WRN: variants seen among roughly 807,000 people sequenced by gnomAD.
WRN encodes the protein bifunctional 3'-5' exonuclease/ATP-dependent helicase WRN.
WRN carries 149 observed loss-of-function variants against 180.7 expected under a neutral mutation model. The observed-to-expected ratio is 0.82, with a 90% CI of 0.72 to 0.94. The LOEUF is 0.94. Among genes scored for constraint, WRN ranks in the 40% least tolerant of loss-of-function variants. The pLI is 0.00. For missense variants in WRN, 1,661 were observed against 1,700.1 expected (o/e 0.98, Z 0.40); for synonymous variants, 548 against 568.9 (o/e 0.96, Z 0.52).
chr8:31,059,216 G>A lies in WRN; in HGVS notation c.160G>A (p.Val54Met), dbSNP rs762851957. 5.0e-6 allele frequency: 8 copies of A among 1,613,856 alleles called. No homozygotes were observed. In the South Asian group the frequency reaches 6.6e-5, roughly 13 times the overall value. ...LPFLEFTGSI[V>M]YSYDASDCSF... ...CTTCTTAGAATTCACTGGATCCATT[G>A]TGTATAGTTACGATGCTAGTGATTG... The change falls in exon 3 of 35, where the codon GTG (valine) becomes ATG (methionine). Residue 54 changes from valine to methionine, a missense_variant. Around this residue, in one of 3 missense-constraint regions of WRN, gnomAD observed 500 missense variants for 504.1 expected, o/e 0.99. Transcript: ENST00000298139.
In WRN at chr8:31,087,880, T is replaced by C. The variant is rs2130156982; in HGVS notation, c.1536T>C (p.Asp512=). ...GLPTKEEEED[D]ENEANEGEED... is the part of the protein sequence containing the mutation. ...CTACTAAAGAAGAAGAAGAAGATGA[T>C]GAAAATGAAGCTAATGAAGGGGAAG... is the stretch of plus-strand genomic sequence containing the variant. The change falls in exon 12 of 35, where the codon GAT becomes GAC. Residue 512 remains aspartate (D), a synonymous_variant. Transcript: ENST00000298139. 6.2e-7 allele frequency: 1 copy of C among 1,613,480 alleles called. No individual in the cohort carries two copies. The highest frequency in any genetic ancestry group is 2.2e-5 in the East Asian group (1 of 44,848).
intron 1 of WRN, among the ~76,000 whole-genome samples, chr8:31,047,657 T>C (rs1421117647): frequency 6.6e-6 from 1 of 152,186 alleles, no homozygotes; most frequent in Admixed American, 6.5e-5. Context: ...ATGAATCCTA[T>C]AAAATTTTAT....
intron 18 of WRN, among the ~76,000 whole-genome samples, chr8:31,105,854 T>C (rs1801075447): frequency 6.6e-6 from 1 of 152,218 alleles, no homozygotes; most frequent in South Asian, 2.1e-4. Flanking sequence ...TCAGTTGTTT[T>C]TGCCTCTTTG....
chr8:31,122,870 T>TTC (rs1801777643), intron 21 of WRN, among the ~76,000 whole-genome samples: 1 of 132,496 alleles, frequency 7.5e-6, no homozygotes, highest in Admixed American at 7.4e-5. Flanking sequence ...GTTTTTTTTT[T>TTC]TTTTTTTTTT....
intron 7 of WRN, among the ~76,000 whole-genome samples, chr8:31,073,004 G>A (rs1326191156): frequency 6.6e-6 from 1 of 152,150 alleles, no homozygotes; most frequent in African/African-American, 2.4e-5. Flanking sequence ...GCTAGAAAAG[G>A]AGCTTGGGCC....
At chr8:31,078,389 T>C (rs1813175009) in intron 8 of WRN, among the ~76,000 whole-genome samples, 1 of 152,178 alleles carries the variant, frequency 6.6e-6, no homozygotes, top group South Asian at 2.1e-4. Flanking sequence ...GCTATAAGCA[T>C]GTATTCCAGC....
chr8:31,067,739 T>G (rs2130053775), intron 6 of WRN, among the ~76,000 whole-genome samples: 1 of 152,310 alleles, frequency 6.6e-6, no homozygotes, highest in South Asian at 2.1e-4. Flanking sequence ...TTTTAAGAAA[T>G]GTATTTTATT....
In WRN at chr8:31,092,605, T is replaced by C. The variant is rs367963541; in HGVS notation, c.1898+707T>C. 9.2e-5 allele frequency among the ~76,000 whole-genome samples: 14 copies of C among 152,150 alleles called. No homozygotes were observed. The South Asian group carries it at 2.9e-3, about 32-fold the overall frequency. ...CACCCCTGCCCATTAAGCAGTTGCTTTCTTTACGTATATATTAGTATATAC... is the reference window on the plus strand; with the variant it reads ...CACCCCTGCCCATTAAGCAGTTGCTCTCTTTACGTATATATTAGTATATAC... On this transcript the variant is annotated intron_variant, in intron 16 of 34. Coordinates refer to ENST00000298139, the MANE Select transcript of WRN (RefSeq NM_000553.6).
At chr8:31,142,012 C>T (rs148076954) in intron 26 of WRN, among the ~76,000 whole-genome samples, 4 of 151,350 alleles carry the variant, frequency 2.6e-5, no homozygotes, top group East Asian at 3.9e-4. Context: ...TGCAGTGGTG[C>T]GATCATAGCT....
chr8:31,092,855 C>G (rs1283523258), intron 16 of WRN, among the ~76,000 whole-genome samples: 1 of 152,146 alleles, frequency 6.6e-6, no homozygotes, highest in Non-Finnish European at 1.5e-5. Context: ...AATATTAACT[C>G]TTTTGTGTAA....
intron 19 of WRN, among the ~76,000 whole-genome samples, chr8:31,114,893 G>GATTTTTTTT (rs764937166): frequency 7.3e-6 from 1 of 136,174 alleles, no homozygotes; most frequent in Non-Finnish European, 1.6e-5. Context: ...TTTAAAATAA[G>GATTTTTTTT]GTTTTTTTTT....
rs1554518310 is a variant in WRN, at chr8:31,059,243, T to A, written c.187T>A (p.Ser63Thr). The A allele has an allele frequency of 1.2e-6, 2 of 1,613,724 alleles. No individual in the cohort carries two copies. The highest frequency in any genetic ancestry group is 1.7e-6 in the Non-Finnish European group (2 of 1,179,742). ...IVYSYDASDC[S>T]FLSEDISMSL... is the part of the protein sequence containing the mutation. ...GTATAGTTACGATGCTAGTGATTGC[T>A]CTTTCCTGTCAGAAGATATTAGGTA... The change falls in exon 3 of 35, where the codon TCT becomes ACT. Residue 63 changes from serine (S) to threonine (T), a missense_variant. Ser to Thr is a moderately conservative substitution (Grantham distance 58). Coordinates refer to ENST00000298139, the MANE Select transcript of WRN (RefSeq NM_000553.6).
At chr8:31,066,978 G>C (rs778337067) in intron 5 of WRN, 55 bp from the exon 6 acceptor site, 88 of 1,597,256 alleles carry the variant, frequency 5.5e-5, no homozygotes, top group Non-Finnish European at 7.2e-5. Context: ...ATATCATTTG[G>C]TAATACCTGA....
intron 23 of WRN, among the ~76,000 whole-genome samples, chr8:31,130,242 C>T (rs970038819): frequency 6.6e-6 from 1 of 151,960 alleles, no homozygotes; most frequent in Admixed American, 6.6e-5. Flanking sequence ...GCTTGAAATA[C>T]TCATAATAGA....
chr8:31,058,602 A>G (rs2130002170), intron 2 of WRN, 59 bp downstream of exon 2: 1 of 1,528,486 alleles, frequency 6.5e-7, no homozygotes. Flanking sequence ...TTGACTGTGC[A>G]AAGAGTCAGT....
intron 1 of WRN, among the ~76,000 whole-genome samples, chr8:31,040,501 T>C (rs1811610236): frequency 6.6e-6 from 1 of 152,170 alleles, no homozygotes; most frequent in Non-Finnish European, 1.5e-5. Flanking sequence ...ATTGTTATAC[T>C]GAAAAGGGAT....
At chr8:31,115,899 C>G (rs574761674) in intron 19 of WRN, among the ~76,000 whole-genome samples, 2 of 152,264 alleles carry the variant, frequency 1.3e-5, no homozygotes, top group South Asian at 2.1e-4. Context: ...TAAGAAAGCT[C>G]TTGCTTTAGT....
intron 28 of WRN, among the ~76,000 whole-genome samples, chr8:31,144,624 G>A (rs899321344): frequency 2.6e-4 from 39 of 152,114 alleles, no homozygotes; most frequent in Middle Eastern, 3.4e-3. Context: ...GGTGTGAGCC[G>A]CTGTGCCTGG....
intron 28 of WRN, among the ~76,000 whole-genome samples, chr8:31,144,536 C>T (rs1029149308): frequency 2.0e-4 from 30 of 151,938 alleles, no homozygotes; most frequent in African/African-American, 7.0e-4. Flanking sequence ...GGGTTTTTGC[C>T]GTGTTGGTCA....
Sources: gnomAD v4.1 joint callset for allele counts (sites outside exome capture counted in the v4.1 genomes callset) on GRCh38, gnomAD v4.1.1 for gene constraint, gnomAD v4.1.1 regional missense constraint, MANE v1.5 for transcripts, NCBI Gene and HGNC (gene_info 2026-07-23, HGNC 2026-07-21) for gene names.